The following REEP1 variants were observed in gnomAD, a reference collection of about 807,000 sequenced individuals.
The protein encoded by REEP1 is receptor accessory protein 1, also known as receptor expression-enhancing protein 1.
In REEP1, 22 loss-of-function variants were observed where a neutral mutation model predicts 40.3. That is an observed-to-expected ratio of 0.55 (90% CI 0.39 to 0.78). REEP1 has a LOEUF of 0.78. Ranked by LOEUF, REEP1 falls within the 30% of genes least tolerant of loss-of-function variation. The pLI is 0.00. For missense variants in REEP1, 280 were observed against 361.1 expected (o/e 0.78, Z 1.82); for synonymous variants, 116 against 139.2 (o/e 0.83, Z 1.17).
At chr2:86,232,583 G>T (rs1393717885) in intron 6 of REEP1, 42 bp downstream of exon 6, 1 of 1,604,546 alleles carries the variant, frequency 6.2e-7, no homozygotes. Flanking sequence ...ATGAAAGCGA[G>T]GCCCAAGGAG....
intron 1 of REEP1, among the ~76,000 whole-genome samples, chr2:86,332,815 T>A (rs1417350399): frequency 6.6e-6 from 1 of 152,212 alleles, no homozygotes; most frequent in Admixed American, 6.5e-5. Flanking sequence ...AGGATACTCC[T>A]CCTGTTTATA....
chr2:86,288,032 A>ATTTTTTTTTTTTTTTATTTTT (rs1558916457), intron 1 of REEP1, among the ~76,000 whole-genome samples: 1 of 149,754 alleles, frequency 6.7e-6, no homozygotes, highest in African/African-American at 2.5e-5. Flanking sequence ...TATTTTTATT[A>ATTTTTTTTTTTTTTTATTTTT]TTTTTTTGAG....
chr2:86,264,611 A>G (rs538182157), intron 2 of REEP1, among the ~76,000 whole-genome samples: 48 of 152,138 alleles, frequency 3.2e-4, no homozygotes, highest in Non-Finnish European at 6.3e-4. Flanking sequence ...CTATTCTCCC[A>G]AAAGTATAAA....
At chr2:86,245,866 G>A (rs189074482) in intron 5 of REEP1, among the ~76,000 whole-genome samples, 4,336 of 151,156 alleles carry the variant, frequency 0.029, 180 homozygotes, top group African/African-American at 0.096. Context: ...CCTGGTTCAC[G>A]CCATTCTCCT....
chr2:86,291,458 C>A (rs897012362), intron 1 of REEP1, among the ~76,000 whole-genome samples: 3 of 152,148 alleles, frequency 2.0e-5, no homozygotes, highest in Non-Finnish European at 4.4e-5. Flanking sequence ...ATTCTGCCAG[C>A]CTCTCTGTAG....
chr2:86,247,076 GA>G (rs1399947485), intron 5 of REEP1, among the ~76,000 whole-genome samples: 1 of 151,678 alleles, frequency 6.6e-6, no homozygotes, highest in Non-Finnish European at 1.5e-5. Flanking sequence ...TTTTTTAAGA[GA>G]GAGACTTTTC....
At chr2:86,278,559 A>G (rs1677891072) in intron 2 of REEP1, among the ~76,000 whole-genome samples, 1 of 152,224 alleles carries the variant, frequency 6.6e-6, no homozygotes, top group South Asian at 2.1e-4. Context: ...GGGGTAGCCT[A>G]AGAGGCAGCT....
chr2:86,300,117 G>A (rs1679188908), intron 1 of REEP1, among the ~76,000 whole-genome samples: 1 of 152,184 alleles, frequency 6.6e-6, no homozygotes. Flanking sequence ...GCACATACAG[G>A]AACTTGCTAT....
intron 3 of REEP1, among the ~76,000 whole-genome samples, chr2:86,259,478 C>T (rs6713378): frequency 0.42 from 63,137 of 151,092 alleles, 14,641 homozygotes; most frequent in East Asian, 0.65. Context: ...CTCCGCCTCC[C>T]GGGTTCAAGT....
Position 86,254,753 on chromosome 2 carries a change from T to C in REEP1, c.244A>G (p.Lys82Glu), listed in dbSNP as rs934249498. The change falls in exon 4 of 9, where the codon AAA becomes GAA. Residue 82 changes from lysine (K) to glutamate (E), a missense_variant. Coordinates refer to ENST00000538924, the MANE Select transcript of REEP1 (RefSeq NM_001371279.1). ...FVAWLLSPYT[K>E]GSSLLYRKFV... is the part of the protein sequence containing the mutation. ...TTCCTGTACAGGAGGCTGGAGCCTTTTGTGTAGGGAGACAGCAGCCAGGCT... is the reference window on the plus strand; with the variant it reads ...TTCCTGTACAGGAGGCTGGAGCCTTCTGTGTAGGGAGACAGCAGCCAGGCT... The C allele has an allele frequency of 1.9e-6, 3 of 1,613,666 alleles. No individual in the cohort carries two copies. The highest frequency in any genetic ancestry group is 2.5e-6 in the Non-Finnish European group (3 of 1,179,650).
At chr2:86,230,145 A>G (rs933196283) in intron 6 of REEP1, among the ~76,000 whole-genome samples, 3 of 152,182 alleles carry the variant, frequency 2.0e-5, no homozygotes, top group Non-Finnish European at 4.4e-5. Flanking sequence ...GGGGCATGGC[A>G]GGGGACGTCA....
At chr2:86,325,644 G>A (rs948631773) in intron 1 of REEP1, among the ~76,000 whole-genome samples, 1 of 152,164 alleles carries the variant, frequency 6.6e-6, no homozygotes, top group African/African-American at 2.4e-5. Context: ...CAGTAATGCA[G>A]CCACGAGGAA....
intron 6 of REEP1, among the ~76,000 whole-genome samples, chr2:86,227,953 G>A (rs965741659): frequency 1.3e-5 from 2 of 152,136 alleles, no homozygotes; most frequent in African/African-American, 2.4e-5. Flanking sequence ...AACATTTCTT[G>A]TACACTTCCT....
chr2:86,254,919 G>T (rs993874842), intron 3 of REEP1, 105 bp from the exon 4 acceptor site: 2 of 1,256,720 alleles, frequency 1.6e-6, no homozygotes, highest in African/African-American at 1.5e-5. Context: ...CTGCTTGCAT[G>T]TGGCTGCAAG....
intron 1 of REEP1, among the ~76,000 whole-genome samples, chr2:86,300,736 T>C (rs1679223848): frequency 6.6e-6 from 1 of 152,166 alleles, no homozygotes; most frequent in Non-Finnish European, 1.5e-5. Context: ...GCCAGTTGGT[T>C]TTATCTATCT....
rs1033150626 is a variant in REEP1 at position 86,271,505 on chromosome 2, G to GA, written c.106-7465dup. Among the ~76,000 whole-genome samples, 36 of 151,812 alleles carry GA rather than the reference G, an allele frequency of 2.4e-4. 1 individual carries two copies. The highest frequency in any genetic ancestry group is 1.1e-3 in the Admixed American group (17 of 15,244). Reference sequence around the variant, plus strand: ...AATAACATCTTTAAAGTGCTAAAAGGAAAAAAAATGTCAACCTAGAATTCT... The same window carrying GA: ...AATAACATCTTTAAAGTGCTAAAAGGAAAAAAAAATGTCAACCTAGAATTCT... On this transcript the variant is annotated intron_variant, in intron 2 of 8. Coordinates refer to ENST00000538924, the MANE Select transcript of REEP1 (RefSeq NM_001371279.1).
chr2:86,220,057 T>G lies in REEP1; in HGVS notation c.696A>C (p.Pro232=). ...KAWEPHQVQN[P]LAFSDDEEED... ...CCTCCTCGTCGTCAGAAAACGCCAA[T>G]GGGTTTTGGACCTGGTGGGGCTCCC... Residue 232 remains proline (P), a synonymous_variant, in exon 8 of 9, where the codon CCA becomes CCC. Transcript: ENST00000538924. The G allele has an allele frequency of 8.1e-7, 1 of 1,232,104 alleles. No homozygotes were observed. The highest frequency in any genetic ancestry group is 1.0e-6 in the Non-Finnish European group (1 of 987,910). 76.3% of individuals were successfully genotyped at this position (1,232,104 alleles called of 1,614,324 possible).
chr2:86,322,609 C>G (rs1377181674), intron 1 of REEP1, among the ~76,000 whole-genome samples: 1 of 152,032 alleles, frequency 6.6e-6, no homozygotes, highest in African/African-American at 2.4e-5. Flanking sequence ...TGCCACCATG[C>G]CTGGCTAATT....
At chr2:86,326,535 A>G (rs1454840329) in intron 1 of REEP1, among the ~76,000 whole-genome samples, 1 of 152,066 alleles carries the variant, frequency 6.6e-6, no homozygotes, top group African/African-American at 2.4e-5. Context: ...CAAAATGGTG[A>G]AACCCCGTCT....
Sources: allele counts gnomAD v4.1 joint callset (sites outside exome capture counted in the v4.1 genomes callset), GRCh38; gene constraint gnomAD v4.1.1; transcripts MANE v1.5; gene names NCBI Gene and HGNC (gene_info 2026-07-23, HGNC 2026-07-21).